The following UPF2 variants were observed in gnomAD, a reference collection of about 807,000 sequenced individuals.
UPF2 encodes the protein regulator of nonsense transcripts 2.
Under a neutral mutation model 141.4 loss-of-function variants are expected in UPF2, and 17 were observed. The observed-to-expected ratio is 0.12, with a 90% CI of 0.08 to 0.18. The LOEUF is 0.18. Among genes scored for constraint, UPF2 ranks in the 10% least tolerant of loss-of-function variants. The pLI is 1.00. For synonymous variants in UPF2, 540 were observed against 498.0 expected (o/e 1.08, Z -1.12); for missense variants, 1,152 against 1,515.9 (o/e 0.76, Z 3.99).
chr10:11,934,591 T>C (rs967253311), intron 19 of UPF2, among the ~76,000 whole-genome samples: 3 of 152,228 alleles, frequency 2.0e-5, no homozygotes, highest in African/African-American at 7.2e-5. Flanking sequence ...TTATTTTATT[T>C]ATTTATTTCT....
chr10:11,945,036 C>G (rs1034585788), intron 16 of UPF2, among the ~76,000 whole-genome samples: 2 of 152,184 alleles, frequency 1.3e-5, no homozygotes, highest in African/African-American at 4.8e-5. Context: ...GCCCTTAGGG[C>G]AGTAACCATG....
chr10:12,013,090 A>C (rs1395189302), intron 4 of UPF2, among the ~76,000 whole-genome samples: 3 of 149,870 alleles, frequency 2.0e-5, no homozygotes, highest in Non-Finnish European at 4.4e-5. Context: ...GTGCCACTGC[A>C]CTCCAGCCTG....
Position 12,003,092 on chromosome 10 carries a change from C to T in UPF2, c.1505-1267G>A, listed in dbSNP as rs145095793. On this transcript the variant is annotated intron_variant, in intron 5 of 21. Coordinates refer to ENST00000357604, the MANE Select transcript of UPF2 (RefSeq NM_015542.4). Reference sequence around the variant, plus strand: ...GAAAACAGACTTCTACTTTCTCATTCATTCATCTTTTCATTCTACTTTTAT... The same window carrying T: ...GAAAACAGACTTCTACTTTCTCATTTATTCATCTTTTCATTCTACTTTTAT... Among the ~76,000 whole-genome samples the T allele has an allele frequency of 2.3e-3, 348 of 152,270 alleles. 3 individuals carry two copies. Among genetic ancestry groups the T allele is most frequent in the Admixed American group, 0.021 (325 of 15,294 alleles).
At chr10:12,011,181 C>T (rs1161590707) in intron 4 of UPF2, among the ~76,000 whole-genome samples, 1 of 152,184 alleles carries the variant, frequency 6.6e-6, no homozygotes, top group African/African-American at 2.4e-5. Flanking sequence ...TTTGTAGAGA[C>T]AGGGTCTCGC....
intron 8 of UPF2, among the ~76,000 whole-genome samples, chr10:11,983,959 C>T (rs1183518316): frequency 1.3e-5 from 2 of 151,374 alleles, no homozygotes; most frequent in Non-Finnish European, 2.9e-5. Context: ...GTTTCGTTCT[C>T]GTTGCCCAGG....
chr10:12,025,235 T>A (rs1399793941), intron 3 of UPF2, among the ~76,000 whole-genome samples: 1 of 152,070 alleles, frequency 6.6e-6, no homozygotes. Flanking sequence ...TACATCTAAA[T>A]GAGCAAAGTC....
chr10:11,955,592 ATATCTAT>A, intron 13 of UPF2, 85 bp from the exon 14 acceptor site: 3 of 1,308,968 alleles, frequency 2.3e-6, no homozygotes, highest in South Asian at 3.0e-5. Flanking sequence ...TAACTTGAAA[ATATCTAT>A]TACTGAAAGA....
At chr10:12,010,345 G>A (rs770771180) in intron 4 of UPF2, among the ~76,000 whole-genome samples, 1 of 152,090 alleles carries the variant, frequency 6.6e-6, no homozygotes, top group Non-Finnish European at 1.5e-5. Context: ...TGTAGACAAG[G>A]ACTTTAAAAC....
intron 8 of UPF2, among the ~76,000 whole-genome samples, chr10:11,983,922 T>C (rs918004976): frequency 3.9e-5 from 6 of 152,136 alleles, no homozygotes; most frequent in Non-Finnish European, 2.9e-5. Flanking sequence ...ATGAAATTAA[T>C]TGATAACTTT....
In UPF2 at chr10:11,971,929, T is replaced by C. The variant is rs188286027; in HGVS notation, c.1954-4475A>G. Among the ~76,000 whole-genome samples, 49 of 152,098 alleles carry C rather than the reference T, an allele frequency of 3.2e-4. 1 individual carries two copies. The highest frequency in any genetic ancestry group is 2.9e-3 in the Admixed American group (45 of 15,274). On this transcript the variant is annotated intron_variant, in intron 9 of 21. Coordinates refer to ENST00000357604, the MANE Select transcript of UPF2 (RefSeq NM_015542.4). ...AAGTACAAAAATTGGCCAGGTATGG[T>C]GGCCTGTGCCTGTAGTCCCAGCTAC...
intron 15 of UPF2, among the ~76,000 whole-genome samples, chr10:11,950,826 T>A (rs951174108): frequency 6.6e-6 from 1 of 152,158 alleles, no homozygotes; most frequent in Non-Finnish European, 1.5e-5. Context: ...ACAAAAAGAA[T>A]CATATATGCC....
chr10:11,951,780 CTAAAAG>C (rs1833078429), intron 15 of UPF2, among the ~76,000 whole-genome samples: 1 of 152,130 alleles, frequency 6.6e-6, no homozygotes. Flanking sequence ...ACCAAAAATT[CTAAAAG>C]TAAGAGAGGT....
rs147845254 is a variant in UPF2 at position 11,946,886 on chromosome 10, C to T, written c.3174+1483G>A. Among the ~76,000 whole-genome samples the T allele has an allele frequency of 1.6e-3, 236 of 152,218 alleles. 1 individual carries two copies. The highest frequency in any genetic ancestry group is 5.2e-3 in the African/African-American group (217 of 41,554). The stretch of plus-strand genomic sequence containing the variant: ...TGCACAGCTTCATGGAACATTTAAA[C>T]GTAAGTGAGTTTGGAAGAAAAAACT... On this transcript the variant is annotated intron_variant, in intron 16 of 21. Transcript: ENST00000357604.
chr10:12,007,627 G>C (rs563445662), intron 4 of UPF2, among the ~76,000 whole-genome samples: 3 of 151,832 alleles, frequency 2.0e-5, no homozygotes, highest in African/African-American at 7.3e-5. Flanking sequence ...TCAGGAGATC[G>C]AGACTATCCT....
chr10:11,955,491 A>C lies in UPF2; in HGVS notation c.2591T>G (p.Phe864Cys). The C allele has an allele frequency of 1.9e-6, 3 of 1,611,372 alleles. No homozygotes were observed. Among genetic ancestry groups the C allele is most frequent in the Non-Finnish European group, 2.5e-6 (3 of 1,178,726 alleles). ...GGCACTGCTGATGCGCCTCTGATTA[A>C]ATTTAGGTTGATTAACCTAAAAGGC... ...RLGMEVNQPK[F>C]NQRRISSAKF... The change falls in exon 14 of 22, where the codon TTT (phenylalanine) becomes TGT (cysteine). Residue 864 changes from phenylalanine (F) to cysteine (C), a missense_variant. By Grantham distance (205) the Phe-to-Cys change is radical. Transcript: ENST00000357604.
chr10:12,004,937 GAAC>G (rs1481463647), intron 4 of UPF2, among the ~76,000 whole-genome samples: 2 of 152,006 alleles, frequency 1.3e-5, no homozygotes, highest in African/African-American at 2.4e-5. Flanking sequence ...ACAGACTAGA[GAAC>G]AACATAAAGA....
chr10:12,016,711 G>GT lies in UPF2; in HGVS notation c.1146-2528dup, dbSNP rs1280816544. On this transcript the variant is annotated intron_variant, in intron 3 of 21. Transcript: ENST00000357604. The surrounding 1 kb of genome is among the most constrained non-coding windows in gnomAD (Gnocchi z 4.1). ...TGTCTAAAAAAAAAAAGAAAAAGAA[G>GT]TAAGTTACTTAAAAATATCTGCAAT... Among the ~76,000 whole-genome samples the GT allele has an allele frequency of 6.7e-6, 1 of 148,234 alleles. No homozygotes were observed. Among genetic ancestry groups the GT allele is most frequent in the Non-Finnish European group, 1.5e-5 (1 of 67,116 alleles).
chr10:11,964,236 A>C (rs1833283718), intron 10 of UPF2, 111 bp from the exon 11 acceptor site: 1 of 679,674 alleles, frequency 1.5e-6, no homozygotes, highest in Non-Finnish European at 2.3e-6. Context: ...AAAAAACAGA[A>C]GTGAGTCTAC....
intron 21 of UPF2, among the ~76,000 whole-genome samples, chr10:11,928,357 T>C (rs145925706): frequency 6.6e-6 from 1 of 151,136 alleles, no homozygotes; most frequent in East Asian, 2.0e-4. Context: ...ACAAAATTAG[T>C]TGATGATATG....
Sources: gnomAD v4.1 joint callset for allele counts (sites outside exome capture counted in the v4.1 genomes callset) on GRCh38, gnomAD v4.1.1 for gene constraint, Gnocchi (gnomAD v3.1) non-coding constraint, MANE v1.5 for transcripts, NCBI Gene and HGNC (gene_info 2026-07-23, HGNC 2026-07-21) for gene names.